TMC1: variants seen among roughly 807,000 people sequenced by gnomAD.
TMC1 encodes transmembrane channel-like protein 1.
TMC1 carries 84 observed loss-of-function variants against 105.8 expected under a neutral mutation model. The observed-to-expected ratio is 0.79, with a 90% CI of 0.67 to 0.95. The LOEUF (loss-of-function observed/expected upper bound fraction) is 0.95. Among genes scored for constraint, TMC1 ranks in the 40% least tolerant of loss-of-function variants. The pLI, the probability that TMC1 is intolerant of heterozygous loss-of-function variation, is 0.00. For missense variants in TMC1, 817 were observed against 914.1 expected (o/e 0.89, Z 1.37); for synonymous variants, 315 against 311.5 (o/e 1.01, Z -0.12).
intron 4 of TMC1, among the ~76,000 whole-genome samples, chr9:72,640,224 G>A (rs1364342327): frequency 1.3e-5 from 2 of 152,190 alleles, no homozygotes; most frequent in African/African-American, 4.8e-5. Flanking sequence ...ACTTGTCATG[G>A]CTGGCCTGTG....
chr9:72,656,265 C>A (rs1825883442), intron 5 of TMC1: 1 of 342,194 alleles, frequency 2.9e-6, no homozygotes, highest in Non-Finnish European at 5.7e-6. Context: ...CAGGTGCGGG[C>A]GGATCAGAGC....
intron 1 of TMC1, among the ~76,000 whole-genome samples, chr9:72,527,505 G>A (rs554472567): frequency 6.6e-6 from 1 of 152,074 alleles, no homozygotes; most frequent in Non-Finnish European, 1.5e-5. Flanking sequence ...TTACCAGCAG[G>A]AGAGCAGCCT....
At chr9:72,751,792 T>C (rs1588065341) in intron 10 of TMC1, 58 bp from the exon 11 acceptor site, 11 of 1,147,202 alleles carry the variant, frequency 9.6e-6, no homozygotes, top group Non-Finnish European at 1.3e-5. Flanking sequence ...GACAAAGCTC[T>C]TTTTGTTTGT....
chr9:72,570,336 G>A (rs72731129), intron 1 of TMC1, among the ~76,000 whole-genome samples: 8,520 of 150,692 alleles, frequency 0.057, 301 homozygotes, highest in Middle Eastern at 0.089. Flanking sequence ...ATTTTGGCTG[G>A]TTGTTCTGAT....
At chr9:72,648,761 T>G in intron 5 of TMC1, 97 bp downstream of exon 5, 3 of 1,116,078 alleles carry the variant, frequency 2.7e-6, no homozygotes, top group South Asian at 2.5e-5. Flanking sequence ...ACAATTTTTG[T>G]TCCCTCTTTT....
At chr9:72,712,107 T>G (rs1826846996) in intron 8 of TMC1, among the ~76,000 whole-genome samples, 1 of 152,190 alleles carries the variant, frequency 6.6e-6, no homozygotes, top group African/African-American at 2.4e-5. Context: ...CTGAGGCCTC[T>G]GTTCTGTTCC....
In TMC1 at chr9:72,772,501, A is replaced by G. The variant is rs774299359; in HGVS notation, c.830A>G (p.Tyr277Cys). The G allele has an allele frequency of 5.6e-6, 9 of 1,613,626 alleles. No homozygotes were observed. The highest frequency in any genetic ancestry group is 7.6e-6 in the Non-Finnish European group (9 of 1,179,838). Residue 277 changes from tyrosine to cysteine, a missense_variant, in exon 13 of 24, where the codon TAT (tyrosine) becomes TGT (cysteine). Tyr to Cys is a radical substitution (Grantham distance 194). Coordinates refer to ENST00000297784, the MANE Select transcript of TMC1 (RefSeq NM_138691.3). Reference protein sequence around the residue: ...GWMNFRLPLSYFLVGIMCIGY... With the variant: ...GWMNFRLPLSCFLVGIMCIGY... ...ATGAATTTCAGGTTGCCGCTCTCCTATTTTCTAGTGGGGATTATGTGCATT... is the reference window on the plus strand; with the variant it reads ...ATGAATTTCAGGTTGCCGCTCTCCTGTTTTCTAGTGGGGATTATGTGCATT...
At chr9:72,768,011 T>C (rs532320863) in intron 12 of TMC1, among the ~76,000 whole-genome samples, 9 of 152,288 alleles carry the variant, frequency 5.9e-5, no homozygotes, top group African/African-American at 1.7e-4. Context: ...CAAAGATGGA[T>C]TGGATAAAGC....
chr9:72,578,674 G>A (rs1284010156), intron 2 of TMC1, among the ~76,000 whole-genome samples: 1 of 152,160 alleles, frequency 6.6e-6, no homozygotes, highest in Non-Finnish European at 1.5e-5. Flanking sequence ...CTGAAATAAG[G>A]ATTTCTAATA....
intron 18 of TMC1, 122 bp downstream of exon 18, chr9:72,805,632 G>A: frequency 1.1e-6 from 1 of 880,878 alleles, no homozygotes; most frequent in Non-Finnish European, 1.6e-6. Flanking sequence ...GTGGAGGGAA[G>A]GTCAGCAGAT....
At chr9:72,779,579 T>C (rs1203348014) in intron 13 of TMC1, among the ~76,000 whole-genome samples, 1 of 152,148 alleles carries the variant, frequency 6.6e-6, no homozygotes, top group East Asian at 1.9e-4. Context: ...GCTGATCTGA[T>C]AGAGCTGAAA....
intron 1 of TMC1, among the ~76,000 whole-genome samples, chr9:72,544,142 G>A (rs1029545913): frequency 2.0e-5 from 3 of 151,748 alleles, no homozygotes; most frequent in Non-Finnish European, 4.4e-5. Context: ...AGTAGAAATG[G>A]GTTTCACCAT....
intron 5 of TMC1, among the ~76,000 whole-genome samples, chr9:72,673,646 C>T (rs1025200173): frequency 6.6e-6 from 1 of 152,052 alleles, no homozygotes; most frequent in African/African-American, 2.4e-5. Flanking sequence ...ATAAAAAACT[C>T]AGGCCAATAA....
chr9:72,561,196 C>T (rs1032775690), intron 1 of TMC1, among the ~76,000 whole-genome samples: 2 of 151,566 alleles, frequency 1.3e-5, no homozygotes, highest in Non-Finnish European at 2.9e-5. Flanking sequence ...TGGTGGGCAC[C>T]TGTAGTCCCA....
chr9:72,713,612 G>A (rs188079330), intron 8 of TMC1, among the ~76,000 whole-genome samples: 20 of 152,060 alleles, frequency 1.3e-4, no homozygotes, highest in Middle Eastern at 3.4e-3. Flanking sequence ...TGGGATCGGC[G>A]GTGATATACC....
intron 5 of TMC1, among the ~76,000 whole-genome samples, chr9:72,670,067 A>T (rs1241638229): frequency 6.6e-6 from 1 of 152,200 alleles, no homozygotes; most frequent in Non-Finnish European, 1.5e-5. Flanking sequence ...GCTGCAATTC[A>T]TGAGAAAGAG....
chr9:72,584,959 AT>A (rs975729618), intron 2 of TMC1, among the ~76,000 whole-genome samples: 3 of 146,990 alleles, frequency 2.0e-5, no homozygotes, highest in Non-Finnish European at 4.5e-5. Flanking sequence ...TAATTTTTGA[AT>A]TTTTAGTAGA....
chr9:72,563,929 A>C (rs1485196582), intron 1 of TMC1, among the ~76,000 whole-genome samples: 1 of 143,976 alleles, frequency 6.9e-6, no homozygotes, highest in Non-Finnish European at 1.5e-5. Context: ...AAAAAGTATA[A>C]ATTGGGGGAG....
rs182039673 is a variant in TMC1, at chr9:72,689,023, C to T, written c.64+267C>T. ...AAAGACATGTTAATAGGAGAAAAGGCATATAATTTCATAGAACTTGTATTC... is the reference window on the plus strand; with the variant it reads ...AAAGACATGTTAATAGGAGAAAAGGTATATAATTTCATAGAACTTGTATTC... On this transcript the variant is annotated intron_variant, in intron 6 of 23. Transcript: ENST00000297784. Among the ~76,000 whole-genome samples the T allele has an allele frequency of 5.9e-5, 9 of 152,198 alleles. 1 individual carries two copies. In the East Asian group the frequency reaches 9.7e-4, roughly 16 times the overall value.
Sources: allele counts gnomAD v4.1 joint callset (sites outside exome capture counted in the v4.1 genomes callset), GRCh38; gene constraint gnomAD v4.1.1; transcripts MANE v1.5; gene names NCBI Gene and HGNC (gene_info 2026-07-23, HGNC 2026-07-21).